The following DNAI3 variants were observed in gnomAD, a reference collection of about 807,000 sequenced individuals.
The protein encoded by DNAI3 is WD repeat domain 63.
A neutral mutation model predicts 115.5 loss-of-function variants in DNAI3; 83 were observed. The observed-to-expected ratio is 0.72, with a 90% confidence interval of 0.60 to 0.86. The LOEUF is 0.86. Ranked by LOEUF, DNAI3 falls within the 40% of genes least tolerant of loss-of-function variation. The probability of loss-of-function intolerance (pLI) is 0.00; values close to 1 mark genes in which losing one functional copy is unlikely to be tolerated. For synonymous variants in DNAI3, 320 were observed against 347.0 expected (o/e 0.92, Z 0.86); for missense variants, 1,004 against 1,075.8 (o/e 0.93, Z 0.93).
At chr1:85,095,351 A>G (rs1277603856) in intron 10 of DNAI3, among the ~76,000 whole-genome samples, 1 of 152,134 alleles carries the variant, frequency 6.6e-6, no homozygotes, top group East Asian at 1.9e-4. Flanking sequence ...CCTTTCCCCA[A>G]TTCATTTGAA....
chr1:85,065,170 C>G (rs564609439), intron 1 of DNAI3, among the ~76,000 whole-genome samples: 38 of 151,884 alleles, frequency 2.5e-4, no homozygotes, highest in African/African-American at 8.7e-4. Flanking sequence ...ATAAGACTTT[C>G]GTAAGGAAGA....
At chr1:85,085,763 A>G in intron 6 of DNAI3, 68 bp from the exon 7 acceptor site, 1 of 1,341,168 alleles carries the variant, frequency 7.5e-7, no homozygotes, top group African/African-American at 1.4e-5. Flanking sequence ...GGATCTGAGC[A>G]GAGTACCAAC....
chr1:85,125,827 G>T (rs1157450517), intron 19 of DNAI3, among the ~76,000 whole-genome samples: 1 of 152,104 alleles, frequency 6.6e-6, no homozygotes, highest in Admixed American at 6.5e-5. Context: ...GAGCACCCCT[G>T]GTCAGTAGAT....
rs548476215 is a variant in DNAI3 at position 85,081,085 on chromosome 1, G to A, written c.104-149G>A. 1.7e-4 allele frequency: 101 copies of A among 586,796 alleles called. No individual in the cohort carries two copies. The African/African-American group carries it at 1.9e-3, about 11-fold the overall frequency. The allele number at this position is 586,796 out of a possible 1,614,324, so 36.3% of individuals were successfully genotyped here. A position where few individuals can be genotyped will look rare whatever the true frequency, so the allele number is the denominator to read the frequency against. On this transcript the variant is annotated intron_variant, in intron 3 of 22. Coordinates refer to ENST00000294664, the MANE Select transcript of DNAI3 (RefSeq NM_145172.5). ...TGTTTTTGGCATTTAAAAAATAATG[G>A]ATATATTTACTTTAAATACAGGAAT...
At chr1:85,078,007 T>C (rs1202843174) in intron 3 of DNAI3, among the ~76,000 whole-genome samples, 1 of 152,184 alleles carries the variant, frequency 6.6e-6, no homozygotes, top group Non-Finnish European at 1.5e-5. Context: ...AGTAAGATTC[T>C]GAGGCATGAA....
chr1:85,118,072 A>C (rs2100608000), intron 17 of DNAI3, among the ~76,000 whole-genome samples: 2 of 152,350 alleles, frequency 1.3e-5, no homozygotes, highest in African/African-American at 4.8e-5. Flanking sequence ...AATCTGTAAA[A>C]TTGCATACTT....
rs58308443 is a variant in DNAI3 at position 85,092,794 on chromosome 1, T to TACACACACACAC, written c.858-633_858-622dup. On this transcript the variant is annotated intron_variant, in intron 8 of 22. Coordinates refer to ENST00000294664, the MANE Select transcript of DNAI3 (RefSeq NM_145172.5). Reference sequence around the variant, plus strand: ...TCCCAGGCATTGTGACAACTAAAACTACACACACACACACACACACACACA... The same window carrying TACACACACACAC: ...TCCCAGGCATTGTGACAACTAAAACTACACACACACACACACACACACACACACACACACACA... 4.1e-3 allele frequency among the ~76,000 whole-genome samples: 595 copies of TACACACACACAC among 145,338 alleles called. 3 individuals carry two copies. The highest frequency in any genetic ancestry group is 0.011 in the Middle Eastern group (3 of 284).
At chr1:85,074,367 T>C (rs1312721657) in intron 3 of DNAI3, among the ~76,000 whole-genome samples, 1 of 152,218 alleles carries the variant, frequency 6.6e-6, no homozygotes, top group Admixed American at 6.5e-5. Flanking sequence ...GCAGTGGTCC[T>C]GGCTCCTGTG....
intron 13 of DNAI3, among the ~76,000 whole-genome samples, chr1:85,103,918 TAATAA>T (rs907108981): frequency 8.2e-5 from 12 of 147,238 alleles, no homozygotes; most frequent in African/African-American, 2.5e-4. Context: ...ATAATAATAA[TAATAA>T]TAATAATAAT....
chr1:85,089,494 C>T (rs1340019601), intron 7 of DNAI3, among the ~76,000 whole-genome samples: 1 of 147,932 alleles, frequency 6.8e-6, no homozygotes, highest in Admixed American at 6.9e-5. Flanking sequence ...GCAAGACTTC[C>T]TGCCACCATC....
Position 85,117,842 on chromosome 1 carries a change from T to G in DNAI3, c.1900T>G (p.Phe634Val). 6.2e-7 allele frequency: 1 copy of G among 1,612,996 alleles called. No homozygotes were observed. The highest frequency in any genetic ancestry group is 8.5e-7 in the Non-Finnish European group (1 of 1,179,194). Reference protein sequence around the residue: ...LKPIDDFCTKFFVGTEEGEVI... With the variant: ...LKPIDDFCTKVFVGTEEGEVI... ...GCCAATAGATGACTTCTGCACAAAG[T>G]TCTTTGTGGGAACAGAGGTAAATTG... is the stretch of plus-strand genomic sequence containing the variant. Residue 634 changes from phenylalanine to valine, a missense_variant, in exon 17 of 23, where the codon TTC becomes GTC. This residue lies in a region of DNAI3 where 429 missense variants were observed against 454.3 expected (regional missense o/e 0.94). Coordinates refer to ENST00000294664, the MANE Select transcript of DNAI3 (RefSeq NM_145172.5).
intron 1 of DNAI3, among the ~76,000 whole-genome samples, chr1:85,065,756 C>T (rs1416994665): frequency 3.3e-5 from 5 of 152,180 alleles, no homozygotes; most frequent in Admixed American, 3.3e-4. Flanking sequence ...CAATGCATTG[C>T]ATGAATAAAG....
At chr1:85,117,241 G>GT (rs1034668897) in intron 16 of DNAI3, among the ~76,000 whole-genome samples, 6 of 151,996 alleles carry the variant, frequency 3.9e-5, no homozygotes, top group Admixed American at 2.6e-4. Context: ...ATATTATCCA[G>GT]TTTTTTAAAA....
At chr1:85,074,243 T>A (rs1654380194) in intron 3 of DNAI3, among the ~76,000 whole-genome samples, 1 of 152,196 alleles carries the variant, frequency 6.6e-6, no homozygotes. Flanking sequence ...TTGATATCAC[T>A]GCTTCCACTC....
chr1:85,069,794 T>C (rs1654212127), intron 1 of DNAI3, among the ~76,000 whole-genome samples: 1 of 152,142 alleles, frequency 6.6e-6, no homozygotes, highest in Non-Finnish European at 1.5e-5. Flanking sequence ...AAGGGGTACA[T>C]TGATAAGGAA....
chr1:85,091,013 A>C (rs1483542703), intron 8 of DNAI3, among the ~76,000 whole-genome samples: 1 of 152,226 alleles, frequency 6.6e-6, no homozygotes, highest in Non-Finnish European at 1.5e-5. Flanking sequence ...AATATCCTAA[A>C]AATTCCAACA....
At chr1:85,086,154 C>A in intron 7 of DNAI3, 124 bp downstream of exon 7, 1 of 861,112 alleles carries the variant, frequency 1.2e-6, no homozygotes. Flanking sequence ...ACACATAGAT[C>A]TCCACAGAGT....
In DNAI3 at chr1:85,124,194, C is replaced by T. The variant is rs139161017; in HGVS notation, c.2055C>T (p.Asn685=). Residue 685 remains asparagine (N), a synonymous_variant, in exon 19 of 23, where the codon AAC becomes AAT. Transcript: ENST00000294664. ...CTATTCAGAGATCACCTTTCTACAA[C>T]GACATTATTCTCACGGTTGGAGGTT... is the stretch of plus-strand genomic sequence containing the variant. ...VHTIQRSPFY[N]DIILTVGGWN... is the part of the protein sequence containing the mutation. The T allele has an allele frequency of 2.8e-5, 46 of 1,614,078 alleles. No homozygotes were observed. Among genetic ancestry groups the T allele is most frequent in the African/African-American group, 1.2e-4 (9 of 74,908 alleles).
In DNAI3 at chr1:85,126,583, G is replaced by A. The variant is rs745488775; in HGVS notation, c.2185G>A (p.Gly729Arg). ...AGGCCACTGGTCCCTGACTCGGCCC[G>A]GAGTTTTCTACATCGGCCGAGAAGA... ...TSGHWSLTRPGVFYIGREDGY... is the reference protein window; with the variant it reads ...TSGHWSLTRPRVFYIGREDGY... The change falls in exon 20 of 23, where the codon GGA becomes AGA. Residue 729 changes from glycine to arginine, a missense_variant. Physicochemically the swap from Gly to Arg is moderately radical, Grantham distance 125. Transcript: ENST00000294664. 1.4e-5 allele frequency: 22 copies of A among 1,613,948 alleles called. No homozygotes were observed. Among genetic ancestry groups the A allele is most frequent in the Non-Finnish European group, 1.8e-5 (21 of 1,179,992 alleles).
Sources: allele counts gnomAD v4.1 joint callset (sites outside exome capture counted in the v4.1 genomes callset), GRCh38; gene constraint gnomAD v4.1.1; regional missense constraint gnomAD v4.1.1; transcripts MANE v1.5; gene names NCBI Gene and HGNC (gene_info 2026-07-23, HGNC 2026-07-21).